The following CEP43 variants were observed in gnomAD, a reference collection of about 807,000 sequenced individuals.
CEP43 encodes the protein centrosomal protein 43.
CEP43 carries 36 observed loss-of-function variants against 52.6 expected under a neutral mutation model. The ratio of observed to expected loss-of-function variants is 0.68; its 90% CI spans 0.52 to 0.90. The LOEUF is 0.90. CEP43 is among the 40% of genes least tolerant of loss of function. The pLI is 0.00. For synonymous variants in CEP43, 192 were observed against 172.4 expected (o/e 1.11, Z -0.89); for missense variants, 506 against 472.8 (o/e 1.07, Z -0.65).
Position 167,041,166 on chromosome 6 carries a change from T to C in CEP43, c.*1188T>C. The C allele has an allele frequency of 1.9e-6, 2 of 1,046,206 alleles. No homozygotes were observed. The highest frequency in any genetic ancestry group is 2.3e-6 in the Non-Finnish European group (2 of 867,346). The allele number at this position is 1,046,206 out of a possible 1,614,324, so 64.8% of individuals were successfully genotyped here. A position where few individuals can be genotyped will look rare whatever the true frequency, so the allele number is the denominator to read the frequency against. On this transcript the variant is annotated 3_prime_UTR_variant, in exon 13 of 13. Coordinates refer to ENST00000366847, the MANE Select transcript of CEP43 (RefSeq NM_007045.4). ...AAGGAGCAAATTAGACCTAATTCAT[T>C]GATCTCGGTTAAGTGAGCAGACTGC...
At position 167,051,069 on chromosome 6, in the gene CEP43, T is replaced by C. The variant is rs1780864587; in HGVS notation, c.*11091T>C. Reference sequence around the variant, plus strand: ...AATGTTTCTTGTGTACTAAGTCAGCTTCTGGGTGGGGGCCAGAGGACCAGT... The same window carrying C: ...AATGTTTCTTGTGTACTAAGTCAGCCTCTGGGTGGGGGCCAGAGGACCAGT... On this transcript the variant is annotated 3_prime_UTR_variant, in exon 13 of 13. Coordinates refer to ENST00000366847, the MANE Select transcript of CEP43 (RefSeq NM_007045.4). 1 of 152,178 alleles carries C rather than the reference T, an allele frequency of 6.6e-6. No individual in the cohort carries two copies. The highest frequency in any genetic ancestry group is 1.5e-5 in the Non-Finnish European group (1 of 68,024). The allele number at this position is 152,178 out of a possible 1,614,324, so 9.4% of individuals were successfully genotyped here. A position where few individuals can be genotyped will look rare whatever the true frequency, so the allele number is the denominator to read the frequency against.
Position 167,001,957 on chromosome 6 carries a change from C to G in CEP43, c.157-1236C>G, listed in dbSNP as rs111961270. On this transcript the variant is annotated intron_variant, in intron 2 of 12. Transcript: ENST00000366847. ...TAAAATATTTCAGTTGACTCCCTAT[C>G]TTAGAATTCCCTGAACCAGCCTACC... Among the ~76,000 whole-genome samples the G allele has an allele frequency of 6.8e-3, 1,042 of 152,280 alleles. 16 individuals carry two copies. The highest frequency in any genetic ancestry group is 9.3e-3 in the Non-Finnish European group (632 of 68,012).
Position 167,044,400 on chromosome 6 carries a change from T to G in CEP43, c.*4422T>G. On this transcript the variant is annotated 3_prime_UTR_variant, in exon 13 of 13. Coordinates refer to ENST00000366847, the MANE Select transcript of CEP43 (RefSeq NM_007045.4). ...AGGCAATTTCAAAGAAATCTTTATGTTTAGCAAGAAGACCAAGATGACAAG... is the reference window on the plus strand; with the variant it reads ...AGGCAATTTCAAAGAAATCTTTATGGTTAGCAAGAAGACCAAGATGACAAG... 1.0e-6 allele frequency: 1 copy of G among 985,260 alleles called. No homozygotes were observed. Among genetic ancestry groups the G allele is most frequent in the Non-Finnish European group, 1.2e-6 (1 of 829,894 alleles). 61.0% of individuals were successfully genotyped at this position (985,260 alleles called of 1,614,324 possible). A position where few individuals can be genotyped will look rare whatever the true frequency, so the allele number is the denominator to read the frequency against.
chr6:167,025,894 A>G (rs1160528025), intron 9 of CEP43, among the ~76,000 whole-genome samples: 2 of 152,284 alleles, frequency 1.3e-5, no homozygotes, highest in Admixed American at 1.3e-4. Context: ...TAAGTGAAAT[A>G]GCAGTTGCAC....
At chr6:167,020,522 C>T (rs1320593582) in intron 7 of CEP43, among the ~76,000 whole-genome samples, 1 of 152,176 alleles carries the variant, frequency 6.6e-6, no homozygotes, top group African/African-American at 2.4e-5. Flanking sequence ...CTCAGCCATC[C>T]ATCCCTTCCT....
chr6:167,021,909 T>A (rs1467811602), intron 7 of CEP43, among the ~76,000 whole-genome samples: 1 of 152,228 alleles, frequency 6.6e-6, no homozygotes, highest in Non-Finnish European at 1.5e-5. Flanking sequence ...TTGCTATTTT[T>A]ACTGATGACT....
At position 167,022,210 on chromosome 6, in the gene CEP43, T is replaced by TC. The variant is rs565606431; in HGVS notation, c.580-199_580-198insC. On this transcript the variant is annotated intron_variant, in intron 7 of 12. Coordinates refer to ENST00000366847, the MANE Select transcript of CEP43 (RefSeq NM_007045.4). ...CATGTTAGGAATCCTGGGGATGGAG[T>TC]GATGAATTGTGGCATTGCTCTGCAG... Among the ~76,000 whole-genome samples, 26 of 150,846 alleles carry TC rather than the reference T, an allele frequency of 1.7e-4. No individual in the cohort carries two copies. The East Asian group carries it at 4.5e-3, about 26-fold the overall frequency.
intron 11 of CEP43, 38 bp downstream of exon 11, chr6:167,032,680 G>A (rs777660952): frequency 6.1e-6 from 9 of 1,486,322 alleles, no homozygotes; most frequent in South Asian, 5.5e-5. Flanking sequence ...AAATATATAC[G>A]TTATTTGTAA....
intron 6 of CEP43, among the ~76,000 whole-genome samples, chr6:167,011,851 A>G (rs1190179291): frequency 1.3e-5 from 2 of 152,008 alleles, no homozygotes; most frequent in African/African-American, 2.4e-5. Context: ...CAAAGCCTTC[A>G]CCCGCATGAT....
At chr6:167,024,315 C>T (rs73028278) in intron 8 of CEP43, among the ~76,000 whole-genome samples, 3,093 of 152,160 alleles carry the variant, frequency 0.02, 53 homozygotes, top group East Asian at 0.092. Context: ...TGTGGAAACC[C>T]GGAGGGTTGT....
chr6:167,008,914 T>G (rs766211147), intron 5 of CEP43, among the ~76,000 whole-genome samples: 1 of 152,084 alleles, frequency 6.6e-6, no homozygotes, highest in Non-Finnish European at 1.5e-5. Context: ...GTGAAACACA[T>G]AAGAAGGCAA....
chr6:167,039,938 A>T lies in CEP43; in HGVS notation c.1160A>T (p.Gln387Leu). ...DDLTQDLTVS[Q>L]LSDVADYLED... ...CTCACACAAGATCTGACTGTATCCCAGCTCAGTGATGTTGCGGATTATCTG... is the reference window on the plus strand; with the variant it reads ...CTCACACAAGATCTGACTGTATCCCTGCTCAGTGATGTTGCGGATTATCTG... Residue 387 changes from glutamine to leucine, a missense_variant, in exon 13 of 13, where the codon CAG becomes CTG. Physicochemically the swap from Gln to Leu is moderately radical, Grantham distance 113. Coordinates refer to ENST00000366847, the MANE Select transcript of CEP43 (RefSeq NM_007045.4). The T allele has an allele frequency of 6.2e-7, 1 of 1,613,858 alleles. No individual in the cohort carries two copies. Among genetic ancestry groups the T allele is most frequent in the Non-Finnish European group, 8.5e-7 (1 of 1,179,746 alleles).
intron 10 of CEP43, among the ~76,000 whole-genome samples, chr6:167,028,902 T>C (rs1053093186): frequency 2.0e-5 from 3 of 152,202 alleles, no homozygotes; most frequent in Non-Finnish European, 4.4e-5. Context: ...CCATCTATTT[T>C]AGTTTGGCAG....
chr6:167,009,665 CAAAAA>C, intron 5 of CEP43, among the ~76,000 whole-genome samples: 1 of 66,640 alleles, frequency 1.5e-5, no homozygotes, highest in African/African-American at 5.3e-5. Context: ...AACTCCGTCT[CAAAAA>C]AAAAAAAAAA....
chr6:167,031,744 G>T (rs1780475594), intron 10 of CEP43, among the ~76,000 whole-genome samples: 1 of 152,136 alleles, frequency 6.6e-6, no homozygotes, highest in South Asian at 2.1e-4. Flanking sequence ...TTTTAAGTTG[G>T]CTCTCATGTG....
intron 5 of CEP43, among the ~76,000 whole-genome samples, chr6:167,007,304 T>G (rs978883132): frequency 6.6e-6 from 1 of 152,184 alleles, no homozygotes; most frequent in African/African-American, 2.4e-5. Context: ...TCATTCTGAC[T>G]CGTGGATTTG....
chr6:166,999,832 T>G (rs1779688333), intron 1 of CEP43: 1 of 561,142 alleles, frequency 1.8e-6, no homozygotes, highest in Admixed American at 3.5e-5. Flanking sequence ...GGCCCCAGCG[T>G]CTCTTCCTCA....
chr6:167,036,286 C>T, intron 12 of CEP43: 1 of 985,326 alleles, frequency 1.0e-6, no homozygotes, highest in Non-Finnish European at 1.2e-6. Flanking sequence ...AAGGGAGATC[C>T]CGGGACATGT....
intron 7 of CEP43, 65 bp downstream of exon 7, chr6:167,013,632 C>A (rs1780031694): frequency 7.6e-7 from 1 of 1,312,502 alleles, no homozygotes; most frequent in Admixed American, 1.8e-5. Flanking sequence ...TCTGGGGCCT[C>A]CTGGAGCGCT....
Sources: allele counts gnomAD v4.1 joint callset (sites outside exome capture counted in the v4.1 genomes callset), GRCh38; gene constraint gnomAD v4.1.1; transcripts MANE v1.5; gene names NCBI Gene and HGNC (gene_info 2026-07-23, HGNC 2026-07-21).